FERMT2: variants seen among roughly 807,000 people sequenced by gnomAD.
The protein encoded by FERMT2 is FERM domain containing kindlin 2.
In FERMT2, 15 loss-of-function variants were observed where a neutral mutation model predicts 82.7. The ratio of observed to expected loss-of-function variants is 0.18; its 90% CI spans 0.12 to 0.28. The LOEUF is 0.28. Among genes scored for constraint, FERMT2 ranks in the 10% least tolerant of loss-of-function variants. The pLI is 1.00. For missense variants in FERMT2, 645 were observed against 809.4 expected, an observed-to-expected ratio of 0.80 and a Z score of 2.46; for synonymous variants, 274 against 271.5, an observed-to-expected ratio of 1.01 and a Z score of -0.09.
intron 8 of FERMT2, 53 bp from the exon 9 acceptor site, chr14:52,874,279 TA>T: frequency 8.9e-7 from 1 of 1,121,790 alleles, no homozygotes; most frequent in Non-Finnish European, 1.3e-6. Context: ...AAATTCTTTC[TA>T]ATGTTTGGTA....
intron 2 of FERMT2, among the ~76,000 whole-genome samples, chr14:52,934,540 T>A (rs912093415): frequency 6.6e-6 from 1 of 152,216 alleles, no homozygotes; most frequent in South Asian, 2.1e-4. Context: ...TCATGAAATA[T>A]CTCTGACAGC....
At chr14:52,927,592 TAAAAAAAAAAA>T (rs71125150) in intron 2 of FERMT2, among the ~76,000 whole-genome samples, 48 of 33,724 alleles carry the variant, frequency 1.4e-3, no homozygotes, top group African/African-American at 5.2e-3. Flanking sequence ...CTCATCCCTA[TAAAAAAAAAAA>T]AAAAAAAAAA....
intron 4 of FERMT2, 190 bp from the exon 5 acceptor site, chr14:52,881,659 T>A: frequency 1.2e-6 from 1 of 866,954 alleles, no homozygotes; most frequent in Non-Finnish European, 1.7e-6. Context: ...TTAAAACACG[T>A]AATAAAGCCT....
intron 3 of FERMT2, among the ~76,000 whole-genome samples, chr14:52,895,032 C>T (rs1887180835): frequency 6.6e-6 from 1 of 152,058 alleles, no homozygotes; most frequent in Non-Finnish European, 1.5e-5. Flanking sequence ...AGAGCCCTAA[C>T]AACTCAAGAA....
intron 2 of FERMT2, among the ~76,000 whole-genome samples, chr14:52,949,665 A>G (rs781327751): frequency 1.3e-5 from 2 of 152,222 alleles, no homozygotes; most frequent in Non-Finnish European, 2.9e-5. Flanking sequence ...ATACTGTAAG[A>G]TACCTTATTA....
chr14:52,908,195 C>A (rs1315504226), intron 3 of FERMT2, among the ~76,000 whole-genome samples: 1 of 152,168 alleles, frequency 6.6e-6, no homozygotes, highest in African/African-American at 2.4e-5. Context: ...GTTTCAAGGA[C>A]ACAGAGCAAC....
intron 4 of FERMT2, among the ~76,000 whole-genome samples, chr14:52,882,850 A>G (rs1370661218): frequency 6.6e-6 from 1 of 152,134 alleles, no homozygotes; most frequent in Non-Finnish European, 1.5e-5. Context: ...GACACAGGAT[A>G]TTTGATTTTA....
At chr14:52,907,571 A>G (rs574256646) in intron 3 of FERMT2, among the ~76,000 whole-genome samples, 1 of 152,300 alleles carries the variant, frequency 6.6e-6, no homozygotes, top group Admixed American at 6.5e-5. Context: ...CATGACACAA[A>G]AAGGACAGGA....
At chr14:52,920,357 G>A (rs1237467804) in intron 2 of FERMT2, among the ~76,000 whole-genome samples, 4 of 152,190 alleles carry the variant, frequency 2.6e-5, no homozygotes, top group African/African-American at 7.2e-5. Context: ...CAGGCCCAGC[G>A]TGGTGGCTCA....
chr14:52,873,544 C>T (rs1428444472), intron 9 of FERMT2: 1 of 152,450 alleles, frequency 6.6e-6, no homozygotes, highest in Admixed American at 6.5e-5. Context: ...GATCTGAAAT[C>T]ATGCCCTTAT....
intron 2 of FERMT2, among the ~76,000 whole-genome samples, chr14:52,936,992 TA>T (rs540989571): frequency 1.4e-4 from 21 of 147,474 alleles, no homozygotes; most frequent in Admixed American, 1.4e-4. Context: ...CCATCTCTAC[TA>T]AAAAAAAAAT....
intron 9 of FERMT2, among the ~76,000 whole-genome samples, chr14:52,873,473 G>C (rs1371904172): frequency 6.6e-6 from 1 of 152,202 alleles, no homozygotes; most frequent in East Asian, 1.9e-4. Flanking sequence ...GGATGTGTAA[G>C]GAAAGGTGCA....
rs772003436 is a variant in FERMT2 at position 52,878,619 on chromosome 14, C to G, written c.926G>C (p.Cys309Ser). 8 of 1,610,950 alleles carry G rather than the reference C, an allele frequency of 5.0e-6. No individual in the cohort carries two copies. In the East Asian group the frequency reaches 1.3e-4, roughly 27 times the overall value. The stretch of plus-strand genomic sequence containing the variant: ...AAACATCATCATTTCTTCTTCTGTG[C>G]ATTCAATCTCTTCCAGGAGAATGGC... ...KWAILLEEIECTEEEMMMFAA... is the reference protein window; with the variant it reads ...KWAILLEEIESTEEEMMMFAA... Residue 309 changes from cysteine to serine, a missense_variant, in exon 7 of 15, where the codon TGC becomes TCC. Cys to Ser is a moderately radical substitution (Grantham distance 112). Transcript: ENST00000341590.
intron 4 of FERMT2, among the ~76,000 whole-genome samples, chr14:52,883,195 C>T (rs1304817912): frequency 2.0e-5 from 3 of 152,096 alleles, no homozygotes; most frequent in Non-Finnish European, 2.9e-5. Flanking sequence ...CTCTAAAATC[C>T]GAACACTGTT....
At chr14:52,889,556 G>C (rs1428372702) in intron 4 of FERMT2, among the ~76,000 whole-genome samples, 1 of 152,176 alleles carries the variant, frequency 6.6e-6, no homozygotes, top group Non-Finnish European at 1.5e-5. Flanking sequence ...TGACAAAGGT[G>C]CAAGTTAGTA....
At chr14:52,941,054 A>G (rs771088715) in intron 2 of FERMT2, among the ~76,000 whole-genome samples, 9 of 152,190 alleles carry the variant, frequency 5.9e-5, no homozygotes, top group Non-Finnish European at 1.0e-4. Flanking sequence ...ATCATCTCCT[A>G]AAACTGGGAG....
At chr14:52,945,177 C>T (rs1890273874) in intron 2 of FERMT2, among the ~76,000 whole-genome samples, 4 of 151,946 alleles carry the variant, frequency 2.6e-5, no homozygotes, top group Admixed American at 2.6e-4. Flanking sequence ...TCCCAAAGTG[C>T]TAGGATTACA....
chr14:52,927,630 C>T (rs1407835049), intron 2 of FERMT2, among the ~76,000 whole-genome samples: 1 of 107,252 alleles, frequency 9.3e-6, no homozygotes, highest in African/African-American at 3.7e-5. Flanking sequence ...AAAATCCAGG[C>T]ATGGTGGCCT....
chr14:52,916,510 A>G (rs1888623271), intron 3 of FERMT2, among the ~76,000 whole-genome samples: 1 of 152,220 alleles, frequency 6.6e-6, no homozygotes, highest in Non-Finnish European at 1.5e-5. Flanking sequence ...AAAACTAGGT[A>G]AAAGGATGAG....
Sources: allele counts gnomAD v4.1 joint callset (sites outside exome capture counted in the v4.1 genomes callset), GRCh38; gene constraint gnomAD v4.1.1; transcripts MANE v1.5; gene names NCBI Gene and HGNC (gene_info 2026-07-23, HGNC 2026-07-21).